Variants in ADGRL2 observed in about 807,000 individuals in gnomAD.
The protein encoded by ADGRL2 is adhesion G protein-coupled receptor L2.
ADGRL2 carries 44 observed loss-of-function variants against 157.4 expected under a neutral mutation model. The ratio of observed to expected loss-of-function variants is 0.28; its 90% CI spans 0.22 to 0.36. ADGRL2 has a LOEUF of 0.36. Ranked by LOEUF, ADGRL2 falls within the 10% of genes least tolerant of loss-of-function variation. The pLI, the probability that ADGRL2 is intolerant of heterozygous loss-of-function variation, is 1.00. For missense variants in ADGRL2, 1,510 were observed against 1,768.9 expected (o/e 0.85, Z 2.63); for synonymous variants, 585 against 624.7 (o/e 0.94, Z 0.95).
intron 2 of ADGRL2, among the ~76,000 whole-genome samples, chr1:81,791,011 G>A (rs921339618): frequency 1.4e-5 from 2 of 139,424 alleles, no homozygotes; most frequent in African/African-American, 5.4e-5. Flanking sequence ...AGGTTATGGT[G>A]AGCTGAGATG....
At chr1:81,535,135 A>G (rs1179991284) in intron 2 of ADGRL2, among the ~76,000 whole-genome samples, 1 of 152,180 alleles carries the variant, frequency 6.6e-6, no homozygotes, top group East Asian at 1.9e-4. Flanking sequence ...AAGTGTGTAC[A>G]ACGTAGAAAG....
chr1:81,380,068 C>G (rs1266566959), intron 1 of ADGRL2, among the ~76,000 whole-genome samples: 1 of 152,210 alleles, frequency 6.6e-6, no homozygotes, highest in Non-Finnish European at 1.5e-5. Context: ...CTCGCTTTCC[C>G]TAACACGCAA....
chr1:81,538,654 C>A (rs2079805070), intron 2 of ADGRL2, among the ~76,000 whole-genome samples: 1 of 152,054 alleles, frequency 6.6e-6, no homozygotes, highest in Non-Finnish European at 1.5e-5. Flanking sequence ...TCATTATAGG[C>A]AGGATTATTG....
chr1:81,845,812 C>T (rs376564160), intron 2 of ADGRL2, among the ~76,000 whole-genome samples: 1 of 151,490 alleles, frequency 6.6e-6, no homozygotes, highest in Non-Finnish European at 1.5e-5. Flanking sequence ...GAGAGAAATT[C>T]GTAGTATAAC....
At chr1:81,484,639 A>G (rs909395844) in intron 2 of ADGRL2, among the ~76,000 whole-genome samples, 3 of 152,152 alleles carry the variant, frequency 2.0e-5, no homozygotes, top group Non-Finnish European at 2.9e-5. Flanking sequence ...TCTTGTACAC[A>G]GTGTAGGCAG....
At chr1:81,355,536 G>A (rs559466931) in intron 1 of ADGRL2, among the ~76,000 whole-genome samples, 18 of 152,234 alleles carry the variant, frequency 1.2e-4, no homozygotes, top group African/African-American at 4.3e-4. Flanking sequence ...GGCACAAAAA[G>A]TAAGTGACCA....
intron 5 of ADGRL2, chr1:81,942,734 T>C: frequency 1.8e-6 from 1 of 560,466 alleles, no homozygotes; most frequent in East Asian, 3.3e-5. Flanking sequence ...TAAATGATCT[T>C]AAACTTAGGC....
chr1:81,855,217 T>C (rs898876397), intron 2 of ADGRL2, among the ~76,000 whole-genome samples: 1 of 151,986 alleles, frequency 6.6e-6, no homozygotes, highest in Non-Finnish European at 1.5e-5. Context: ...GGTGGGAGGA[T>C]CACTTGAGGC....
chr1:81,755,217 G>GCT (rs1180465368), intron 1 of ADGRL2, among the ~76,000 whole-genome samples: 1 of 91,398 alleles, frequency 1.1e-5, no homozygotes, highest in Non-Finnish European at 2.1e-5. Flanking sequence ...CATATATGAA[G>GCT]ATATATACAT....
intron 1 of ADGRL2, among the ~76,000 whole-genome samples, chr1:81,382,250 T>G (rs1239533332): frequency 6.6e-6 from 1 of 152,210 alleles, no homozygotes; most frequent in Non-Finnish European, 1.5e-5. Context: ...TTCATCGCCA[T>G]AATGCAGGTT....
chr1:81,920,864 A>G (rs1051890152), intron 3 of ADGRL2, among the ~76,000 whole-genome samples: 1 of 125,076 alleles, frequency 8.0e-6, no homozygotes, highest in Admixed American at 7.7e-5. Flanking sequence ...GTTTTAAAGG[A>G]AAAAAAAAAC....
intron 1 of ADGRL2, among the ~76,000 whole-genome samples, chr1:81,826,077 T>G (rs2149985483): frequency 6.6e-6 from 1 of 152,330 alleles, no homozygotes; most frequent in South Asian, 2.1e-4. Context: ...TTACCCAAAC[T>G]TAAGATGAAT....
intron 1 of ADGRL2, among the ~76,000 whole-genome samples, chr1:81,819,993 C>A (rs558731577): frequency 6.6e-6 from 1 of 152,182 alleles, no homozygotes; most frequent in Non-Finnish European, 1.5e-5. Context: ...TTTATTGGTA[C>A]GTGGGGAAAT....
At chr1:81,589,337 T>C (rs6659297) in intron 3 of ADGRL2, among the ~76,000 whole-genome samples, 78,469 of 151,946 alleles carry the variant, frequency 0.52, 20,570 homozygotes, top group East Asian at 0.67. Context: ...CAGACTATAT[T>C]TGGACCAAGC....
chr1:81,522,874 C>T (rs1415598983), intron 2 of ADGRL2, among the ~76,000 whole-genome samples: 1 of 152,094 alleles, frequency 6.6e-6, no homozygotes. Flanking sequence ...AAACCTATGG[C>T]TCATTTTTAG....
At chr1:81,785,367 A>G (rs1286966312) in intron 2 of ADGRL2, among the ~76,000 whole-genome samples, 1 of 152,162 alleles carries the variant, frequency 6.6e-6, no homozygotes, top group Non-Finnish European at 1.5e-5. Context: ...ATTATATATT[A>G]CTTAGGATTT....
At chr1:81,497,029 A>G (rs1205686072) in intron 2 of ADGRL2, among the ~76,000 whole-genome samples, 1 of 152,198 alleles carries the variant, frequency 6.6e-6, no homozygotes, top group Non-Finnish European at 1.5e-5. Context: ...ACATAATGGA[A>G]AAGAAAGAAC....
chr1:81,702,046 TG>T (rs2083590747), intron 1 of ADGRL2, among the ~76,000 whole-genome samples: 1 of 152,210 alleles, frequency 6.6e-6, no homozygotes, highest in East Asian at 1.9e-4. Context: ...AAGCTACCTC[TG>T]TCTTGAGGGT....
At chr1:81,569,891 G>A (rs181861974) in intron 2 of ADGRL2, among the ~76,000 whole-genome samples, 1 of 152,054 alleles carries the variant, frequency 6.6e-6, no homozygotes, top group African/African-American at 2.4e-5. Context: ...GGTTTGACTG[G>A]GGCTTGAAGG....
Sources: gnomAD v4.1 joint callset for allele counts (sites outside exome capture counted in the v4.1 genomes callset) on GRCh38, gnomAD v4.1.1 for gene constraint, MANE v1.5 for transcripts, NCBI Gene and HGNC (gene_info 2026-07-23, HGNC 2026-07-21) for gene names.